The following CREB5 variants were observed in gnomAD, a reference collection of about 807,000 sequenced individuals.
The protein encoded by CREB5 is cAMP responsive element binding protein 5.
In CREB5, 19 loss-of-function variants were observed where a neutral mutation model predicts 57.1. That is an observed-to-expected ratio of 0.33 (90% confidence interval 0.23 to 0.49). The LOEUF is 0.49. Ranked by LOEUF, CREB5 falls within the 20% of genes least tolerant of loss-of-function variation. The pLI, the probability that CREB5 is intolerant of heterozygous loss-of-function variation, is 0.99. For missense variants in CREB5, 579 were observed against 671.6 expected, an observed-to-expected ratio of 0.86 and a Z score of 1.52; for synonymous variants, 238 against 238.3, an observed-to-expected ratio of 1.00 and a Z score of 0.01.
At chr7:28,694,577 A>G (rs1378117381) in intron 5 of CREB5, among the ~76,000 whole-genome samples, 1 of 152,170 alleles carries the variant, frequency 6.6e-6, no homozygotes, top group Non-Finnish European at 1.5e-5. Context: ...TTCTTTAGCG[A>G]CAGGGTCTCG....
chr7:28,559,624 T>C (rs1378170209), intron 4 of CREB5, among the ~76,000 whole-genome samples: 1 of 152,216 alleles, frequency 6.6e-6, no homozygotes, highest in Non-Finnish European at 1.5e-5. Flanking sequence ...CAATGTTATC[T>C]TTTTAGATTA....
intron 10 of CREB5, 91 bp downstream of exon 10, chr7:28,818,270 G>A (rs1809557676): frequency 2.4e-6 from 2 of 845,254 alleles, no homozygotes; most frequent in Non-Finnish European, 3.9e-6. Context: ...CAAAAGTAAA[G>A]TGTAGATTGT....
At chr7:28,363,549 C>T (rs1377920588) in intron 1 of CREB5, among the ~76,000 whole-genome samples, 3 of 151,922 alleles carry the variant, frequency 2.0e-5, no homozygotes, top group Non-Finnish European at 4.4e-5. Flanking sequence ...TCTCATCCAC[C>T]GAGAATGGGT....
chr7:28,525,165 T>C (rs1024218057), intron 4 of CREB5, among the ~76,000 whole-genome samples: 1 of 152,216 alleles, frequency 6.6e-6, no homozygotes, highest in Non-Finnish European at 1.5e-5. Flanking sequence ...GGATTTCTTT[T>C]TTAGGGCCCA....
At chr7:28,643,634 T>C (rs1341832548) in intron 5 of CREB5, among the ~76,000 whole-genome samples, 1 of 152,224 alleles carries the variant, frequency 6.6e-6, no homozygotes, top group East Asian at 1.9e-4. Flanking sequence ...TGAGATTAAA[T>C]GAGGTAAAGA....
chr7:28,363,379 G>A (rs1166470015), intron 1 of CREB5, among the ~76,000 whole-genome samples: 1 of 152,110 alleles, frequency 6.6e-6, no homozygotes, highest in Admixed American at 6.6e-5. Flanking sequence ...GACCCTGAAT[G>A]GAGTGTGACT....
intron 9 of CREB5, among the ~76,000 whole-genome samples, chr7:28,812,381 C>G (rs900548648): frequency 6.6e-6 from 1 of 152,154 alleles, no homozygotes; most frequent in African/African-American, 2.4e-5. Context: ...TTGGCATATG[C>G]GTATTTATGA....
At chr7:28,530,417 C>T (rs2128621350) in intron 4 of CREB5, among the ~76,000 whole-genome samples, 1 of 152,262 alleles carries the variant, frequency 6.6e-6, no homozygotes, top group East Asian at 1.9e-4. Context: ...GGGCTGTCGT[C>T]CAGGGTGCAC....
chr7:28,600,378 A>T (rs1796870208), intron 5 of CREB5, among the ~76,000 whole-genome samples: 1 of 7,684 alleles, frequency 1.3e-4, no homozygotes, highest in South Asian at 2.7e-3. Context: ...CAGCCTCACG[A>T]AGCTCAGTGA....
At chr7:28,737,569 AT>A (rs1562606670) in intron 7 of CREB5, among the ~76,000 whole-genome samples, 6,069 of 97,030 alleles carry the variant, frequency 0.063, 356 homozygotes, top group Non-Finnish European at 0.083. Context: ...ATATATATAT[AT>A]ATATATATAT....
intron 1 of CREB5, among the ~76,000 whole-genome samples, chr7:28,345,273 C>CTTTTTTTTTTT (rs58373526): frequency 2.0e-5 from 3 of 148,560 alleles, no homozygotes; most frequent in Non-Finnish European, 4.5e-5. Context: ...CAAAACAAGT[C>CTTTTTTTTTTT]TTTTTTTTTT....
intron 5 of CREB5, among the ~76,000 whole-genome samples, chr7:28,663,105 A>C (rs930304157): frequency 4.0e-5 from 6 of 150,746 alleles, no homozygotes; most frequent in African/African-American, 1.5e-4. Context: ...AGATCGCACC[A>C]CTGCACTCCA....
intron 1 of CREB5, among the ~76,000 whole-genome samples, chr7:28,418,799 G>A (rs1339250256): frequency 6.6e-6 from 1 of 152,226 alleles, no homozygotes; most frequent in Non-Finnish European, 1.5e-5. Context: ...TGGTCGGTAT[G>A]AGAAAAGAGC....
intron 1 of CREB5, among the ~76,000 whole-genome samples, chr7:28,481,272 G>C (rs557539757): frequency 6.6e-6 from 1 of 152,224 alleles, no homozygotes; most frequent in Non-Finnish European, 1.5e-5. Context: ...AATCCCAAAG[G>C]GGGCTGTGAT....
At chr7:28,660,081 G>T (rs1799538917) in intron 5 of CREB5, among the ~76,000 whole-genome samples, 1 of 152,190 alleles carries the variant, frequency 6.6e-6, no homozygotes, top group Admixed American at 6.5e-5. Flanking sequence ...GCATTGAAAT[G>T]AGCTGAGATG....
chr7:28,520,937 A>G (rs747575951), intron 4 of CREB5, among the ~76,000 whole-genome samples: 5 of 152,224 alleles, frequency 3.3e-5, no homozygotes, highest in Non-Finnish European at 5.9e-5. Context: ...TTTTTGCATT[A>G]ATATAGTGTG....
rs559745735 is a variant in CREB5 at position 28,373,590 on chromosome 7, A to AT, written c.-25+74158dup. 8.4e-3 allele frequency among the ~76,000 whole-genome samples: 1,263 copies of AT among 150,192 alleles called. 8 individuals are homozygous for AT. The highest frequency in any genetic ancestry group is 0.013 in the Non-Finnish European group (853 of 67,500). On this transcript the variant is annotated intron_variant, in intron 1 of 9. Coordinates refer to the CREB5 transcript ENST00000396299. ...AGGCACATGCTACCATGCCCAGCTA[A>AT]TTTTTTTTTCTTTTTGGTAGAGATG... is the stretch of plus-strand genomic sequence containing the variant.
At chr7:28,451,747 G>C (rs1789824762) in intron 1 of CREB5, among the ~76,000 whole-genome samples, 1 of 152,078 alleles carries the variant, frequency 6.6e-6, no homozygotes, top group African/African-American at 2.4e-5. Context: ...CCATTGTCTA[G>C]AGAGTGTTGC....
intron 1 of CREB5, among the ~76,000 whole-genome samples, chr7:28,371,869 C>T (rs1786712589): frequency 1.3e-5 from 2 of 152,146 alleles, no homozygotes; most frequent in Non-Finnish European, 2.9e-5. Context: ...AGACACCACG[C>T]TCCCAATCAT....
Sources: allele counts gnomAD v4.1 joint callset (sites outside exome capture counted in the v4.1 genomes callset), GRCh38; gene constraint gnomAD v4.1.1; transcripts MANE v1.5; gene names NCBI Gene and HGNC (gene_info 2026-07-23, HGNC 2026-07-21).